The following ZFHX3 variants were observed in gnomAD, a reference collection of about 807,000 sequenced individuals.
ZFHX3 encodes the protein zinc finger homeobox 3, also known as zinc finger homeobox protein 3.
A neutral mutation model predicts 279.1 loss-of-function variants in ZFHX3; 42 were observed. That is an observed-to-expected ratio of 0.15 (90% CI 0.12 to 0.19). The LOEUF (loss-of-function observed/expected upper bound fraction) is 0.19, where lower values mean the gene tolerates loss of function less well. Ranked by LOEUF, ZFHX3 falls within the 10% of genes least tolerant of loss-of-function variation. ZFHX3 has a pLI of 1.00. For missense variants in ZFHX3, 4,981 were observed against 4,754.0 expected (o/e 1.05, Z -1.40); for synonymous variants, 2,293 against 1,957.8 (o/e 1.17, Z -4.52).
rs2035966461 is a variant in ZFHX3 at position 72,797,805 on chromosome 16, G to C, written c.4877C>G (p.Ala1626Gly). Residue 1626 changes from alanine (A) to glycine (G), a missense_variant, in exon 9 of 10, where the codon GCA (alanine) becomes GGA (glycine). Coordinates refer to ENST00000268489, the MANE Select transcript of ZFHX3 (RefSeq NM_006885.4). ...GCCACTTGCAGCCTCCAGCTTGGCT[G>C]CCCGGGCCTTGGTTTGATGTAACAC... ...RSVLHQTKAR[A>G]AKLEAASGSS... The C allele has an allele frequency of 1.2e-6, 2 of 1,614,022 alleles. No homozygotes were observed. The highest frequency in any genetic ancestry group is 2.2e-5 in the East Asian group (1 of 44,868).
At chr16:72,807,298 A>G (rs1182023871) in intron 7 of ZFHX3, 1 of 152,198 alleles carries the variant, frequency 6.6e-6, no homozygotes, top group Non-Finnish European at 1.5e-5. Flanking sequence ...CTTCTTTGAT[A>G]TGACGTGTGC....
In ZFHX3 at chr16:73,563,369, G is replaced by A. The variant is rs532967723; in HGVS notation, c.-1546-107111C>T. ...TCTCCTGCCTCCACGCCATTCTCCT[G>A]CCTCAGCCTCCAAAGTAGCTGGGAC... On this transcript the variant is annotated intron_variant, in intron 2 of 17. Coordinates refer to the ZFHX3 transcript ENST00000641206. Among the ~76,000 whole-genome samples the A allele has an allele frequency of 8.6e-5, 13 of 151,630 alleles. No homozygotes were observed. The East Asian group carries it at 2.3e-3, about 27-fold the overall frequency.
At chr16:73,849,276 C>T (rs1217136607) in intron 1 of ZFHX3, among the ~76,000 whole-genome samples, 1 of 152,168 alleles carries the variant, frequency 6.6e-6, no homozygotes, top group Non-Finnish European at 1.5e-5. Flanking sequence ...TCTCACAAGA[C>T]CTGTAGTCAT....
Position 72,977,595 on chromosome 16 carries a change from G to GAA in ZFHX3, c.-49-17403_-49-17402dup, listed in dbSNP as rs55963116. Among the ~76,000 whole-genome samples the GAA allele has an allele frequency of 2.1e-3, 317 of 151,500 alleles. 1 individual carries two copies. The highest frequency in any genetic ancestry group is 3.0e-3 in the Non-Finnish European group (203 of 67,908). ...GTTCCCTGTCGTGGGTCAGTGGGGG[G>GAA]AAAAAAATCACTCTCCACACAGCTC... On this transcript the variant is annotated intron_variant, in intron 1 of 9. Coordinates refer to ENST00000268489, the MANE Select transcript of ZFHX3 (RefSeq NM_006885.4).
At chr16:72,822,797 T>G (rs1030480966) in intron 5 of ZFHX3, among the ~76,000 whole-genome samples, 4 of 16,758 alleles carry the variant, frequency 2.4e-4, no homozygotes, top group African/African-American at 5.8e-4. Context: ...GAAAGTGAGT[T>G]TTTTTTTTTT....
chr16:73,191,448 T>C (rs1308715487), intron 5 of ZFHX3, among the ~76,000 whole-genome samples: 2 of 152,154 alleles, frequency 1.3e-5, no homozygotes, highest in Non-Finnish European at 2.9e-5. Flanking sequence ...GCCATCCCAA[T>C]GAGTCCCGGG....
rs557183441 is a variant in ZFHX3, at chr16:73,025,241, G to A, written c.-50+22511C>T. On this transcript the variant is annotated intron_variant, in intron 1 of 9. Transcript: ENST00000268489. ...CTCCCCACAACGACCGCCCTGCACC[G>A]CCCTGCCCCAAGTCCTTCCCAATGC... Among the ~76,000 whole-genome samples, 7 of 152,220 alleles carry A rather than the reference G, an allele frequency of 4.6e-5. No individual in the cohort carries two copies. The East Asian group carries it at 5.8e-4, about 13-fold the overall frequency.
At chr16:72,849,980 G>C (rs1346209789) in intron 4 of ZFHX3, among the ~76,000 whole-genome samples, 6 of 150,870 alleles carry the variant, frequency 4.0e-5, no homozygotes, top group South Asian at 2.1e-4. Flanking sequence ...AGCTACGTCA[G>C]GGGACATAAG....
At chr16:73,515,763 CTATT>C (rs1263582612) in intron 2 of ZFHX3, among the ~76,000 whole-genome samples, 2 of 152,102 alleles carry the variant, frequency 1.3e-5, no homozygotes, top group Non-Finnish European at 2.9e-5. Flanking sequence ...ATCTGGGACT[CTATT>C]TAGGAGACGT....
chr16:73,105,352 T>TATATATAC (rs1419258011), intron 7 of ZFHX3, among the ~76,000 whole-genome samples: 9 of 102,370 alleles, frequency 8.8e-5, no homozygotes, highest in East Asian at 6.4e-4. Context: ...TATATATATA[T>TATATATAC]ACACATATAT....
intron 3 of ZFHX3, among the ~76,000 whole-genome samples, chr16:72,934,026 G>T (rs894088262): frequency 2.0e-5 from 3 of 151,976 alleles, no homozygotes; most frequent in African/African-American, 7.2e-5. Flanking sequence ...CACCGTGTTA[G>T]CCAGGATGGC....
At chr16:73,009,106 T>C (rs1037390833) in intron 1 of ZFHX3, among the ~76,000 whole-genome samples, 1 of 152,086 alleles carries the variant, frequency 6.6e-6, no homozygotes, top group Non-Finnish European at 1.5e-5. Flanking sequence ...TCTTGCCTGC[T>C]ACAGACCTTA....
intron 4 of ZFHX3, among the ~76,000 whole-genome samples, chr16:72,838,387 C>A (rs1356335841): frequency 6.6e-6 from 1 of 152,138 alleles, no homozygotes; most frequent in Non-Finnish European, 1.5e-5. Flanking sequence ...CAGAGTATGG[C>A]CCAGCTCAAC....
chr16:73,483,201 C>A lies in ZFHX3; in HGVS notation c.-1546-26943G>T, dbSNP rs1007791408. Reference sequence around the variant, plus strand: ...AGGGTGACCCCGGAGGAAGAGAACGCGTGGGCCCCTGCTCCAAGTGCCAGC... The same window carrying A: ...AGGGTGACCCCGGAGGAAGAGAACGAGTGGGCCCCTGCTCCAAGTGCCAGC... On this transcript the variant is annotated intron_variant, in intron 2 of 17. Coordinates refer to the ZFHX3 transcript ENST00000641206. The A allele has an allele frequency of 1.4e-5, 5 of 348,370 alleles. No individual in the cohort carries two copies. The Admixed American group carries it at 2.0e-4, about 14-fold the overall frequency. The allele number at this position is 348,370 out of a possible 1,614,324, so 21.6% of individuals were successfully genotyped here.
rs757957912 is a variant in ZFHX3, at chr16:72,785,455, T to C, written c.*1709A>G. ...TATGGAATTGTCATTAACATTTGCC[T>C]CTCTGCTTGCAGAAGAAGCACATAA... On this transcript the variant is annotated 3_prime_UTR_variant, in exon 10 of 10. Coordinates refer to ENST00000268489, the MANE Select transcript of ZFHX3 (RefSeq NM_006885.4). The C allele has an allele frequency of 1.3e-5, 2 of 152,662 alleles. No homozygotes were observed. Among genetic ancestry groups the C allele is most frequent in the Non-Finnish European group, 2.9e-5 (2 of 68,038 alleles). The allele number at this position is 152,662 out of a possible 1,614,324, so 9.5% of individuals were successfully genotyped here.
At position 73,210,258 on chromosome 16, in the gene ZFHX3, G is replaced by T. The variant is rs573122385; in HGVS notation, c.-1104+46789C>A. Among the ~76,000 whole-genome samples, 5 of 152,248 alleles carry T rather than the reference G, an allele frequency of 3.3e-5. No individual in the cohort carries two copies. The East Asian group carries it at 9.6e-4, about 29-fold the overall frequency. The stretch of plus-strand genomic sequence containing the variant: ...AAATGGTAAATAACTGCTGGATCGG[G>T]TTAGCTGTGCTCTAACACTGAGTCA... On this transcript the variant is annotated intron_variant, in intron 5 of 17. Transcript: ENST00000641206.
At chr16:73,003,317 GAA>G (rs34728114) in intron 1 of ZFHX3, among the ~76,000 whole-genome samples, 64 of 132,048 alleles carry the variant, frequency 4.8e-4, no homozygotes, top group African/African-American at 1.6e-3. Flanking sequence ...TAATTAAAGG[GAA>G]AAAAAAAAAA....
intron 2 of ZFHX3, among the ~76,000 whole-genome samples, chr16:73,540,453 G>C (rs770168092): frequency 1.3e-5 from 2 of 152,152 alleles, no homozygotes; most frequent in African/African-American, 2.4e-5. Context: ...ACTTTTAGTC[G>C]CATCAAAATC....
intron 3 of ZFHX3, among the ~76,000 whole-genome samples, chr16:72,900,706 T>C (rs2039013506): frequency 6.6e-6 from 1 of 152,160 alleles, no homozygotes; most frequent in Non-Finnish European, 1.5e-5. Context: ...ACGCCCTAGA[T>C]CGCTGGGGCC....
Sources: gnomAD v4.1 joint callset for allele counts (sites outside exome capture counted in the v4.1 genomes callset) on GRCh38, gnomAD v4.1.1 for gene constraint, MANE v1.5 for transcripts, NCBI Gene and HGNC (gene_info 2026-07-23, HGNC 2026-07-21) for gene names.